The following DENND1A variants were observed in gnomAD, a reference collection of about 807,000 sequenced individuals.
DENND1A encodes DENN domain containing 1A.
DENND1A carries 51 observed loss-of-function variants against 113.7 expected under a neutral mutation model. That is an observed-to-expected ratio of 0.45 (90% confidence interval 0.36 to 0.57). The LOEUF is 0.57. Ranked by LOEUF, DENND1A falls within the 20% of genes least tolerant of loss-of-function variation. The pLI, the probability that DENND1A is intolerant of heterozygous loss-of-function variation, is 0.00. For missense variants in DENND1A, 1,258 were observed against 1,395.9 expected (o/e 0.90, Z 1.57); for synonymous variants, 565 against 570.8 (o/e 0.99, Z 0.14).
intron 2 of DENND1A, among the ~76,000 whole-genome samples, chr9:123,857,947 T>G (rs565718037): frequency 6.6e-6 from 1 of 151,360 alleles, no homozygotes; most frequent in East Asian, 2.0e-4. Flanking sequence ...TAGTCCCAGC[T>G]ACTCAGGAAG....
chr9:123,679,616 G>A (rs2064311623), intron 5 of DENND1A, among the ~76,000 whole-genome samples: 2 of 152,164 alleles, frequency 1.3e-5, no homozygotes, highest in Non-Finnish European at 2.9e-5. Flanking sequence ...AAACCCAGCT[G>A]TCTTCTTCTT....
intron 13 of DENND1A, among the ~76,000 whole-genome samples, chr9:123,496,983 C>G (rs538820071): frequency 6.6e-6 from 1 of 152,318 alleles, no homozygotes; most frequent in African/African-American, 2.4e-5. Context: ...CCCTATCTCC[C>G]CTGGTATGTT....
At chr9:123,483,105 G>A (rs1398318660) in intron 13 of DENND1A, among the ~76,000 whole-genome samples, 1 of 152,208 alleles carries the variant, frequency 6.6e-6, no homozygotes, top group African/African-American at 2.4e-5. Flanking sequence ...AGGAATTCAA[G>A]AGAGGCTTTA....
At chr9:123,844,982 G>T (rs1187503588) in intron 2 of DENND1A, among the ~76,000 whole-genome samples, 1 of 152,164 alleles carries the variant, frequency 6.6e-6, no homozygotes, top group African/African-American at 2.4e-5. Context: ...ACTTTGGGAG[G>T]CTGAGGTGGA....
chr9:123,505,893 T>C (rs2052884751), intron 13 of DENND1A, among the ~76,000 whole-genome samples: 1 of 152,156 alleles, frequency 6.6e-6, no homozygotes, highest in African/African-American at 2.4e-5. Context: ...TTCAACAACG[T>C]GGCCTCCCTT....
At chr9:123,492,514 G>T (rs886145022) in intron 13 of DENND1A, 1 of 152,390 alleles carries the variant, frequency 6.6e-6, no homozygotes, top group Admixed American at 6.5e-5. Flanking sequence ...CATGGGCCAG[G>T]TTGTGAAGGT....
chr9:123,480,518 C>T (rs973565725), intron 13 of DENND1A, among the ~76,000 whole-genome samples: 3 of 152,188 alleles, frequency 2.0e-5, no homozygotes, highest in African/African-American at 7.2e-5. Flanking sequence ...AATAGAATGC[C>T]TCTTCCTCCA....
chr9:123,647,898 G>GGT (rs1298885332), intron 9 of DENND1A, among the ~76,000 whole-genome samples: 1 of 152,098 alleles, frequency 6.6e-6, no homozygotes, highest in East Asian at 1.9e-4. Flanking sequence ...ATGACCAAGG[G>GGT]GTGTGTGTAT....
intron 5 of DENND1A, among the ~76,000 whole-genome samples, chr9:123,718,975 T>C (rs1467964739): frequency 6.6e-6 from 1 of 152,174 alleles, no homozygotes. Context: ...GTTCTCGTGG[T>C]AGTGAATAAG....
chr9:123,447,185 G>A (rs752944375), intron 18 of DENND1A, among the ~76,000 whole-genome samples: 18 of 152,336 alleles, frequency 1.2e-4, no homozygotes, highest in South Asian at 2.1e-4. Context: ...TAGCATCTTT[G>A]CCATTTCTTC....
intron 2 of DENND1A, among the ~76,000 whole-genome samples, chr9:123,871,630 T>TA (rs931845897): frequency 2.4e-4 from 37 of 152,322 alleles, no homozygotes; most frequent in African/African-American, 8.9e-4. Context: ...GATTTTTTTT[T>TA]ATGTTGCTGC....
chr9:123,821,726 T>C (rs1374491003), intron 2 of DENND1A, among the ~76,000 whole-genome samples: 2 of 152,250 alleles, frequency 1.3e-5, no homozygotes, highest in African/African-American at 4.8e-5. Flanking sequence ...TTATAATTCA[T>C]TGTTGTCTCC....
At chr9:123,634,634 T>C (rs1428695502) in intron 9 of DENND1A, among the ~76,000 whole-genome samples, 1 of 152,242 alleles carries the variant, frequency 6.6e-6, no homozygotes, top group Non-Finnish European at 1.5e-5. Flanking sequence ...ATTGTAAATA[T>C]ATAATTGAAG....
intron 13 of DENND1A, among the ~76,000 whole-genome samples, chr9:123,554,214 T>C (rs564577059): frequency 1.4e-4 from 22 of 152,254 alleles, no homozygotes; most frequent in African/African-American, 4.6e-4. Context: ...AGTCATTATT[T>C]TAAACTAATC....
chr9:123,588,635 G>GC (rs1010857660), intron 11 of DENND1A, among the ~76,000 whole-genome samples: 2 of 131,328 alleles, frequency 1.5e-5, no homozygotes, highest in African/African-American at 5.5e-5. Context: ...AAAAAAAAAG[G>GC]GGGGGGGGGA....
At chr9:123,810,558 A>AC (rs1270353139) in intron 2 of DENND1A, among the ~76,000 whole-genome samples, 1 of 151,014 alleles carries the variant, frequency 6.6e-6, no homozygotes, top group African/African-American at 2.4e-5. Context: ...ACAAAAAAAA[A>AC]AAAAAAAAAA....
chr9:123,569,969 C>A (rs1162614544), intron 12 of DENND1A, among the ~76,000 whole-genome samples: 3 of 152,174 alleles, frequency 2.0e-5, no homozygotes, highest in Admixed American at 2.0e-4. Context: ...TGTGACCATT[C>A]CCAATCTGGT....
rs2139852800 is a variant in DENND1A at position 123,667,088 on chromosome 9, GAA to G, written c.454-11_454-10del. 1 of 1,595,964 alleles carries G rather than the reference GAA, an allele frequency of 6.3e-7. No individual in the cohort carries two copies. Among genetic ancestry groups the G allele is most frequent in the East Asian group, 2.3e-5 (1 of 43,300 alleles). ...ACAGTAAAATAAGAATGCTAGAAAA[GAA>G]AAGCAAAAGTGATTTATTTCTGCTA... On this transcript the variant is annotated splice_polypyrimidine_tract_variant and intron_variant, in intron 7 of 23. Transcript: ENST00000394215.
At chr9:123,391,981 C>T (rs942845358) in intron 21 of DENND1A, among the ~76,000 whole-genome samples, 3 of 152,260 alleles carry the variant, frequency 2.0e-5, no homozygotes, top group Admixed American at 6.5e-5. Flanking sequence ...TCATCCCCCA[C>T]GGCTGCTCCC....
Sources: gnomAD v4.1 joint callset for allele counts (sites outside exome capture counted in the v4.1 genomes callset) on GRCh38, gnomAD v4.1.1 for gene constraint, MANE v1.5 for transcripts, NCBI Gene and HGNC (gene_info 2026-07-23, HGNC 2026-07-21) for gene names.